Variants in CCR6 observed in about 807,000 individuals in gnomAD.
The protein encoded by CCR6 is C-C chemokine receptor type 6.
CCR6 carries 2 observed loss-of-function variants against 3.0 expected under a neutral mutation model. The observed-to-expected ratio is 0.66, with a 90% CI of 0.27 to 2.07. CCR6 has a LOEUF of 2.07. CCR6 is among the 30% of genes most tolerant of loss of function. The pLI is 0.14. For synonymous variants in CCR6, 193 were observed against 184.3 expected (o/e 1.05, Z -0.38); for missense variants, 322 against 462.8 (o/e 0.70, Z 2.79).
chr6:167,133,930 G>GTATATATA (rs1201380934), intron 1 of CCR6, among the ~76,000 whole-genome samples: 60 of 29,036 alleles, frequency 2.1e-3, no homozygotes, highest in South Asian at 9.9e-3. Context: ...TGATATATGT[G>GTATATATA]TGTATATATA....
At chr6:167,114,784 G>C (rs1400603626) in intron 1 of CCR6, among the ~76,000 whole-genome samples, 1 of 152,208 alleles carries the variant, frequency 6.6e-6, no homozygotes, top group East Asian at 1.9e-4. Flanking sequence ...CTGGGTCACC[G>C]AGCAGTGCTG....
intron 1 of CCR6, among the ~76,000 whole-genome samples, chr6:167,114,384 G>C (rs1302699460): frequency 6.6e-6 from 1 of 152,208 alleles, no homozygotes; most frequent in African/African-American, 2.4e-5. Context: ...TAGACCTCGA[G>C]AGGAGTTCAG....
At position 167,138,634 on chromosome 6, in the gene CCR6, AAG is replaced by A. The variant is rs1781886809; in HGVS notation, c.*1280_*1281del. The A allele has an allele frequency of 6.6e-6, 1 of 152,368 alleles. No homozygotes were observed. The highest frequency in any genetic ancestry group is 2.4e-5 in the African/African-American group (1 of 41,454). 9.4% of individuals were successfully genotyped at this position (152,368 alleles called of 1,614,324 possible). On this transcript the variant is annotated 3_prime_UTR_variant, in exon 3 of 3. Coordinates refer to ENST00000341935, the MANE Select transcript of CCR6 (RefSeq NM_031409.4). ...TACAAAAATACAAACACATGTTAGG[AAG>A]GTACTGTCATGGGCTAGGCATGGTG... is the stretch of plus-strand genomic sequence containing the variant.
chr6:167,133,932 G>GTGTGTGTATATATATATATATATA (rs1183741225), intron 1 of CCR6, among the ~76,000 whole-genome samples: 5 of 110,340 alleles, frequency 4.5e-5, no homozygotes, highest in Non-Finnish European at 5.2e-5. Context: ...ATATATGTGT[G>GTGTGTGTATATATATATATATATA]TATATATATA....
intron 1 of CCR6, chr6:167,126,208 AG>A (rs1163824810): frequency 6.6e-6 from 1 of 152,234 alleles, no homozygotes; most frequent in Non-Finnish European, 1.5e-5. Context: ...CTCTAAAAAA[AG>A]GTAGTTTATT....
intron 1 of CCR6, among the ~76,000 whole-genome samples, chr6:167,113,089 C>T (rs1214245809): frequency 6.6e-6 from 1 of 151,814 alleles, no homozygotes; most frequent in Non-Finnish European, 1.5e-5. Flanking sequence ...CCCTCTGAGG[C>T]CTGACTTACC....
Position 167,112,979 on chromosome 6 carries a change from C to T in CCR6, c.-98+965C>T, listed in dbSNP as rs114436484. 1.9e-3 allele frequency among the ~76,000 whole-genome samples: 283 copies of T among 151,714 alleles called. 1 individual carries two copies. Among genetic ancestry groups the T allele is most frequent in the African/African-American group, 6.5e-3 (269 of 41,296 alleles). On this transcript the variant is annotated intron_variant, in intron 1 of 2. Transcript: ENST00000400926. Reference sequence around the variant, plus strand: ...AGTTTCACTGTGTTGTGGGTGAATGCATTTATGTCATTTAACAATACTGCG... The same window carrying T: ...AGTTTCACTGTGTTGTGGGTGAATGTATTTATGTCATTTAACAATACTGCG...
chr6:167,128,317 C>A (rs1395331227), intron 1 of CCR6, among the ~76,000 whole-genome samples: 2 of 152,248 alleles, frequency 1.3e-5, no homozygotes, highest in East Asian at 3.8e-4. Context: ...CATGATTCTG[C>A]CGACAAGTGC....
intron 1 of CCR6, among the ~76,000 whole-genome samples, chr6:167,113,672 C>A (rs1241799730): frequency 2.6e-5 from 4 of 152,228 alleles, no homozygotes. Context: ...TTTCACCCAT[C>A]AGATCCCAAG....
At chr6:167,132,146 A>G (rs1209108667) in intron 1 of CCR6, among the ~76,000 whole-genome samples, 4 of 152,206 alleles carry the variant, frequency 2.6e-5, no homozygotes, top group Non-Finnish European at 5.9e-5. Flanking sequence ...CCGTTGGAGC[A>G]TGCATTAGTC....
At chr6:167,135,387 A>G (rs1781834188) in intron 1 of CCR6, among the ~76,000 whole-genome samples, 1 of 152,176 alleles carries the variant, frequency 6.6e-6, no homozygotes, top group African/African-American at 2.4e-5. Flanking sequence ...TCTACTGGAA[A>G]GGTCTGCGGC....
chr6:167,135,825 C>G (rs1235614385), intron 1 of CCR6, among the ~76,000 whole-genome samples: 3 of 152,210 alleles, frequency 2.0e-5, no homozygotes, highest in Non-Finnish European at 2.9e-5. Flanking sequence ...GGAGCTGTGA[C>G]AGAGACCATA....
chr6:167,128,803 A>G (rs1781710401), intron 1 of CCR6, among the ~76,000 whole-genome samples: 1 of 152,068 alleles, frequency 6.6e-6, no homozygotes, highest in African/African-American at 2.4e-5. Flanking sequence ...CAAACTCCTG[A>G]CCTCAAGTGA....
chr6:167,115,204 G>C (rs906735746), intron 1 of CCR6: 19 of 152,224 alleles, frequency 1.2e-4, no homozygotes, highest in Admixed American at 1.2e-3. Flanking sequence ...GGTCCACCCC[G>C]CAGTTGGCTG....
At chr6:167,113,840 T>C (rs1211822111) in intron 1 of CCR6, among the ~76,000 whole-genome samples, 1 of 152,224 alleles carries the variant, frequency 6.6e-6, no homozygotes, top group African/African-American at 2.4e-5. Context: ...GGATGGGGCA[T>C]CTAGGCAAGA....
chr6:167,136,796 A>G lies in CCR6; in HGVS notation c.566A>G (p.Tyr189Cys). The part of the protein sequence containing the change: ...SSSTFVFNQK[Y>C]NTQGSDVCEP... ...TCAACTTTTGTCTTCAACCAAAAATACAACACCCAAGGCAGCGATGTCTGT... is the reference window on the plus strand; with the variant it reads ...TCAACTTTTGTCTTCAACCAAAAATGCAACACCCAAGGCAGCGATGTCTGT... The change falls in exon 3 of 3, where the codon TAC becomes TGC. Residue 189 changes from tyrosine (Y) to cysteine (C), a missense_variant. Transcript: ENST00000341935. The surrounding 1 kb of genome is among the most constrained non-coding windows in gnomAD (Gnocchi z 4.6). 1 of 1,614,054 alleles carries G rather than the reference A, an allele frequency of 6.2e-7. No individual in the cohort carries two copies. Among genetic ancestry groups the G allele is most frequent in the Non-Finnish European group, 8.5e-7 (1 of 1,180,044 alleles).
At chr6:167,126,356 A>T (rs1291743642) in intron 1 of CCR6, 1 of 152,284 alleles carries the variant, frequency 6.6e-6, no homozygotes, top group Non-Finnish European at 1.5e-5. Flanking sequence ...CACAAAGAGA[A>T]GAGAATCAAT....
At chr6:167,112,369 T>C (rs905952154) in intron 1 of CCR6, among the ~76,000 whole-genome samples, 61 of 152,302 alleles carry the variant, frequency 4.0e-4, no homozygotes, top group African/African-American at 1.4e-3. Flanking sequence ...ATTTTTCTGA[T>C]CCTAGTCTGT....
At chr6:167,117,678 G>C (rs948746713) in intron 1 of CCR6, among the ~76,000 whole-genome samples, 1 of 151,668 alleles carries the variant, frequency 6.6e-6, no homozygotes, top group African/African-American at 2.4e-5. Flanking sequence ...GCCTCCCAAA[G>C]TGCTGGGATT....
Sources: gnomAD v4.1 joint callset for allele counts (sites outside exome capture counted in the v4.1 genomes callset) on GRCh38, gnomAD v4.1.1 for gene constraint, Gnocchi (gnomAD v3.1) non-coding constraint, MANE v1.5 for transcripts, NCBI Gene and HGNC (gene_info 2026-07-23, HGNC 2026-07-21) for gene names.